KCTD8: variants seen among roughly 807,000 people sequenced by gnomAD.
KCTD8 encodes the protein BTB/POZ domain-containing protein KCTD8.
Under a neutral mutation model 31.5 loss-of-function variants are expected in KCTD8, and 27 were observed. The observed-to-expected ratio is 0.86, with a 90% CI of 0.63 to 1.18. KCTD8 has a LOEUF of 1.18. Ranked by LOEUF, KCTD8 falls within the 50% of genes most tolerant of loss-of-function variation. The pLI is 0.00. For synonymous variants in KCTD8, 290 were observed against 280.0 expected, an observed-to-expected ratio of 1.04 and a Z score of -0.36; for missense variants, 658 against 647.7, an observed-to-expected ratio of 1.02 and a Z score of -0.17.
At chr4:44,217,888 T>C (rs1560397574) in intron 1 of KCTD8, among the ~76,000 whole-genome samples, 1 of 152,026 alleles carries the variant, frequency 6.6e-6, no homozygotes, top group Non-Finnish European at 1.5e-5. Context: ...TTTTGAGGCT[T>C]TTGGACTCAT....
At chr4:44,436,408 A>G (rs1480298833) in intron 1 of KCTD8, among the ~76,000 whole-genome samples, 2 of 152,116 alleles carry the variant, frequency 1.3e-5, no homozygotes, top group African/African-American at 2.4e-5. Context: ...AGAGTCAAAG[A>G]AGAGAGACTA....
At chr4:44,328,694 CT>C (rs1206571303) in intron 1 of KCTD8, among the ~76,000 whole-genome samples, 1 of 151,898 alleles carries the variant, frequency 6.6e-6, no homozygotes, top group Non-Finnish European at 1.5e-5. Flanking sequence ...TGCTTTTAAG[CT>C]TTGACAAATA....
At chr4:44,262,614 A>C (rs568109861) in intron 1 of KCTD8, among the ~76,000 whole-genome samples, 2 of 152,222 alleles carry the variant, frequency 1.3e-5, no homozygotes, top group South Asian at 4.1e-4. Flanking sequence ...AAAACCTCTA[A>C]AAGTATGCAT....
chr4:44,277,259 G>GA (rs1716777433), intron 1 of KCTD8, among the ~76,000 whole-genome samples: 1 of 151,532 alleles, frequency 6.6e-6, no homozygotes, highest in African/African-American at 2.4e-5. Flanking sequence ...CAAATAAAAA[G>GA]AAAAATACCT....
chr4:44,365,489 T>G (rs1719607428), intron 1 of KCTD8, among the ~76,000 whole-genome samples: 1 of 152,088 alleles, frequency 6.6e-6, no homozygotes, highest in African/African-American at 2.4e-5. Flanking sequence ...CAAAAATGAA[T>G]GCATTGAATA....
chr4:44,387,182 C>G (rs1720245333), intron 1 of KCTD8, among the ~76,000 whole-genome samples: 1 of 151,706 alleles, frequency 6.6e-6, no homozygotes, highest in East Asian at 1.9e-4. Context: ...TGAAAGATCT[C>G]TACAATGAGA....
At chr4:44,343,456 C>T (rs1398511776) in intron 1 of KCTD8, among the ~76,000 whole-genome samples, 1 of 152,062 alleles carries the variant, frequency 6.6e-6, no homozygotes, top group African/African-American at 2.4e-5. Context: ...ATCACTAAAA[C>T]AGATATAATA....
intron 1 of KCTD8, among the ~76,000 whole-genome samples, chr4:44,312,259 T>C (rs1039636218): frequency 1.3e-5 from 2 of 151,858 alleles, no homozygotes; most frequent in African/African-American, 4.8e-5. Context: ...TCACCAAATG[T>C]TGGGTGTTTT....
intron 1 of KCTD8, among the ~76,000 whole-genome samples, chr4:44,378,409 T>C (rs1367412184): frequency 6.6e-6 from 1 of 151,378 alleles, no homozygotes; most frequent in South Asian, 2.1e-4. Context: ...TGTATACATA[T>C]GTAACAAACC....
chr4:44,325,937 G>GA (rs1402208599), intron 1 of KCTD8, among the ~76,000 whole-genome samples: 2 of 151,858 alleles, frequency 1.3e-5, no homozygotes, highest in Non-Finnish European at 2.9e-5. Flanking sequence ...GGTCAGTTAA[G>GA]AAAAAATTTA....
intron 1 of KCTD8, among the ~76,000 whole-genome samples, chr4:44,294,254 G>T (rs1401299345): frequency 6.6e-6 from 1 of 152,064 alleles, no homozygotes; most frequent in African/African-American, 2.4e-5. Flanking sequence ...TGGTAACGCA[G>T]AAAAATGGAA....
chr4:44,338,237 T>C (rs1016056405), intron 1 of KCTD8, among the ~76,000 whole-genome samples: 2 of 152,106 alleles, frequency 1.3e-5, no homozygotes, highest in African/African-American at 4.8e-5. Context: ...TGGAAATACA[T>C]CATTTTCATA....
chr4:44,315,750 AT>A (rs1426715479), intron 1 of KCTD8, among the ~76,000 whole-genome samples: 1 of 151,858 alleles, frequency 6.6e-6, no homozygotes, highest in South Asian at 2.1e-4. Context: ...GGTTTAAAAC[AT>A]TTTTTTTCCT....
intron 1 of KCTD8, among the ~76,000 whole-genome samples, chr4:44,441,051 A>T (rs1416175905): frequency 1.3e-5 from 2 of 152,262 alleles, no homozygotes; most frequent in Admixed American, 6.5e-5. Flanking sequence ...TGGTATCATT[A>T]ATAGAAACTA....
chr4:44,361,010 C>T (rs1267749046), intron 1 of KCTD8, among the ~76,000 whole-genome samples: 1 of 151,982 alleles, frequency 6.6e-6, no homozygotes, highest in African/African-American at 2.4e-5. Flanking sequence ...TGAGAGCCAT[C>T]ATTAAAAGTC....
chr4:44,439,452 A>T (rs1721762015), intron 1 of KCTD8, among the ~76,000 whole-genome samples: 1 of 152,204 alleles, frequency 6.6e-6, no homozygotes, highest in Non-Finnish European at 1.5e-5. Context: ...AATGTTGAAT[A>T]AGCACAGAAC....
At chr4:44,339,570 T>A (rs573235649) in intron 1 of KCTD8, among the ~76,000 whole-genome samples, 1 of 152,030 alleles carries the variant, frequency 6.6e-6, no homozygotes, top group East Asian at 1.9e-4. Context: ...TGAAAATGAG[T>A]AGACATTTCT....
chr4:44,445,949 T>C (rs1721925651), intron 1 of KCTD8, among the ~76,000 whole-genome samples: 2 of 152,230 alleles, frequency 1.3e-5, no homozygotes, highest in Non-Finnish European at 2.9e-5. Context: ...ATAAAATATC[T>C]TCCCTTGGGT....
chr4:44,439,990 G>A (rs569980440), intron 1 of KCTD8, among the ~76,000 whole-genome samples: 22 of 151,584 alleles, frequency 1.5e-4, no homozygotes, highest in East Asian at 7.8e-4. Flanking sequence ...GGAGTGCAAC[G>A]GTGGGATCTC....
Sources: gnomAD v4.1 joint callset for allele counts (sites outside exome capture counted in the v4.1 genomes callset) on GRCh38, gnomAD v4.1.1 for gene constraint, MANE v1.5 for transcripts, NCBI Gene and HGNC (gene_info 2026-07-23, HGNC 2026-07-21) for gene names.